Variants in PDE12 observed in about 807,000 individuals in gnomAD.
PDE12 encodes the protein 2',5'-phosphodiesterase 12.
In PDE12, 26 loss-of-function variants were observed where a neutral mutation model predicts 45.4. That is an observed-to-expected ratio of 0.57 (90% CI 0.42 to 0.79). The LOEUF (loss-of-function observed/expected upper bound fraction) is 0.79, where lower values mean the gene tolerates loss of function less well. PDE12 is among the 30% of genes least tolerant of loss of function. The pLI is 0.00. For missense variants in PDE12, 668 were observed against 790.0 expected, an observed-to-expected ratio of 0.85 and a Z score of 1.85; for synonymous variants, 283 against 323.9, an observed-to-expected ratio of 0.87 and a Z score of 1.36.
At chr3:57,615,157 C>G in the PDE12 span, among the ~76,000 whole-genome samples, 1 of 151,936 alleles carries the variant, frequency 6.6e-6, no homozygotes, top group Non-Finnish European at 1.5e-5. Context: ...AGACAGCTCG[C>G]CCCCCTCGGC....
chr3:57,577,370 T>C, the PDE12 span: 2 of 1,612,054 alleles, frequency 1.2e-6, no homozygotes, highest in Non-Finnish European at 1.7e-6. Context: ...CGTTGCTATC[T>C]ACCACAAAAA....
At chr3:57,644,723 G>A in the PDE12 span, among the ~76,000 whole-genome samples, 1 of 23,898 alleles carries the variant, frequency 4.2e-5, no homozygotes, top group Non-Finnish European at 7.6e-5. Flanking sequence ...GAGGAGGGGA[G>A]AGGAGGGGAA....
At chr3:57,598,501 G>A in the PDE12 span, among the ~76,000 whole-genome samples, 1 of 152,046 alleles carries the variant, frequency 6.6e-6, no homozygotes, top group Admixed American at 6.5e-5. Context: ...AAAACTTCTG[G>A]CCGGGCATAG....
the PDE12 span, chr3:57,646,452 C>T: frequency 6.2e-7 from 1 of 1,600,674 alleles, no homozygotes; most frequent in Non-Finnish European, 8.5e-7. Flanking sequence ...AAAGGTGATG[C>T]ACAGTAGAAA....
the PDE12 span, chr3:57,634,488 C>A: frequency 2.5e-6 from 2 of 787,296 alleles, no homozygotes; most frequent in Non-Finnish European, 3.7e-6. Flanking sequence ...ACATAAAGGA[C>A]ATATTGCGTA....
rs562425579 is a variant in PDE12 at position 57,566,434 on chromosome 3, A to T, written c.*6430A>T. 6.6e-6 allele frequency: 1 copy of T among 152,240 alleles called. No individual in the cohort carries two copies. The highest frequency in any genetic ancestry group is 1.5e-5 in the Non-Finnish European group (1 of 68,052). The allele number at this position is 152,240 out of a possible 1,614,324, so 9.4% of individuals were successfully genotyped here. Reference sequence around the variant, plus strand: ...CCTGGCTTCTATGAATAATGCTGCCATAAACATTTGTGATAAGTTTTTGAG... The same window carrying T: ...CCTGGCTTCTATGAATAATGCTGCCTTAAACATTTGTGATAAGTTTTTGAG... On this transcript the variant is annotated 3_prime_UTR_variant, in exon 3 of 3. Transcript: ENST00000311180.
chr3:57,560,665 G>A lies in PDE12; in HGVS notation c.*661G>A, dbSNP rs1440518465. 1 of 985,360 alleles carries A rather than the reference G, an allele frequency of 1.0e-6. No homozygotes were observed. The highest frequency in any genetic ancestry group is 1.2e-6 in the Non-Finnish European group (1 of 829,844). The allele number at this position is 985,360 out of a possible 1,614,324, so 61.0% of individuals were successfully genotyped here. A position where few individuals can be genotyped will look rare whatever the true frequency, so the allele number is the denominator to read the frequency against. On this transcript the variant is annotated 3_prime_UTR_variant, in exon 3 of 3. Coordinates refer to ENST00000311180, the MANE Select transcript of PDE12 (RefSeq NM_177966.7). Reference sequence around the variant, plus strand: ...TATAAGAGAATTTTTTTAGCTAGGAGTTCAGAATTTTTAAAGTACCATTTG... The same window carrying A: ...TATAAGAGAATTTTTTTAGCTAGGAATTCAGAATTTTTAAAGTACCATTTG...
At chr3:57,633,918 A>C in the PDE12 span, among the ~76,000 whole-genome samples, 3 of 152,082 alleles carry the variant, frequency 2.0e-5, no homozygotes, top group African/African-American at 7.2e-5. Context: ...GTTCACTATA[A>C]AGACAATCTT....
In PDE12 at chr3:57,561,760, G is replaced by A. The variant is rs906768812; in HGVS notation, c.*1756G>A. On this transcript the variant is annotated 3_prime_UTR_variant, in exon 3 of 3. Coordinates refer to ENST00000311180, the MANE Select transcript of PDE12 (RefSeq NM_177966.7). The stretch of plus-strand genomic sequence containing the variant: ...TAGTATCATAAGAATTTCCTCTTTT[G>A]ATAACATCTGTACTTTCATATTCTG... 2.0e-6 allele frequency: 2 copies of A among 984,212 alleles called. No homozygotes were observed. Among genetic ancestry groups the A allele is most frequent in the Non-Finnish European group, 2.4e-6 (2 of 828,968 alleles). The allele number at this position is 984,212 out of a possible 1,614,324, so 61.0% of individuals were successfully genotyped here. A position where few individuals can be genotyped will look rare whatever the true frequency, so the allele number is the denominator to read the frequency against.
chr3:57,649,400 T>C, the PDE12 span, among the ~76,000 whole-genome samples: 6 of 152,016 alleles, frequency 3.9e-5, no homozygotes, highest in African/African-American at 7.3e-5. Flanking sequence ...TTTTACACTG[T>C]TGGTAGAAAT....
chr3:57,624,181 C>T, the PDE12 span, among the ~76,000 whole-genome samples: 9 of 151,020 alleles, frequency 6.0e-5, no homozygotes, highest in Non-Finnish European at 1.0e-4. Flanking sequence ...GGCGGAGTCT[C>T]GCTCTGTCGC....
the PDE12 span, among the ~76,000 whole-genome samples, chr3:57,601,096 T>C: frequency 6.6e-6 from 1 of 151,918 alleles, no homozygotes; most frequent in African/African-American, 2.4e-5. Context: ...CTACACTAGG[T>C]AGTATGTTTT....
At chr3:57,634,602 G>T in the PDE12 span, 1 of 1,465,640 alleles carries the variant, frequency 6.8e-7, no homozygotes, top group Non-Finnish European at 9.1e-7. Context: ...TTTAAATATG[G>T]CTTATATGAA....
At chr3:57,571,608 A>ATTCT (rs2069843785), downstream of PDE12, 1 of 152,742 alleles carries the variant, frequency 6.5e-6, no homozygotes, top group East Asian at 1.9e-4. Context: ...CTAAATATCA[A>ATTCT]TTCTTTGCAA....
At chr3:57,568,892 G>T (rs551654048), downstream of PDE12, among the ~76,000 whole-genome samples, 7 of 151,322 alleles carry the variant, frequency 4.6e-5, no homozygotes, top group East Asian at 1.4e-3. Context: ...TTGGACAGGG[G>T]AACCAGAGAG....
At chr3:57,611,910 ATGC>A in the PDE12 span, among the ~76,000 whole-genome samples, 1 of 152,218 alleles carries the variant, frequency 6.6e-6, no homozygotes, top group East Asian at 1.9e-4. Flanking sequence ...ATTATAAATC[ATGC>A]TGCTATAAAG....
At chr3:57,569,795 G>A (rs1002231141), downstream of PDE12, among the ~76,000 whole-genome samples, 1 of 138,922 alleles carries the variant, frequency 7.2e-6, no homozygotes, top group African/African-American at 2.7e-5. Flanking sequence ...TCCTGCCACT[G>A]GACTCCAGCC....
the PDE12 span, among the ~76,000 whole-genome samples, chr3:57,638,338 C>A: frequency 2.0e-5 from 3 of 150,878 alleles, no homozygotes; most frequent in African/African-American, 7.3e-5. Flanking sequence ...CTTGAATAGA[C>A]ATTTCTCCAA....
the PDE12 span, among the ~76,000 whole-genome samples, chr3:57,577,911 C>T: frequency 1.3e-5 from 2 of 151,846 alleles, no homozygotes; most frequent in Admixed American, 6.6e-5. Flanking sequence ...AAAAATTAGC[C>T]AGGTGTGGTG....
Sources: allele counts gnomAD v4.1 joint callset (sites outside exome capture counted in the v4.1 genomes callset), GRCh38; gene constraint gnomAD v4.1.1; transcripts MANE v1.5; gene names NCBI Gene and HGNC (gene_info 2026-07-23, HGNC 2026-07-21).